The following KCNQ1 variants were observed in gnomAD, a reference collection of about 807,000 sequenced individuals.
The protein encoded by KCNQ1 is potassium voltage-gated channel subfamily KQT member 1.
A neutral mutation model predicts 72.4 loss-of-function variants in KCNQ1; 49 were observed. The observed-to-expected ratio is 0.68, with a 90% CI of 0.54 to 0.86. The LOEUF is 0.86. Among genes scored for constraint, KCNQ1 ranks in the 40% least tolerant of loss-of-function variants. The pLI, the probability that KCNQ1 is intolerant of heterozygous loss-of-function variation, is 0.00. For missense variants in KCNQ1, 790 were observed against 945.1 expected, an observed-to-expected ratio of 0.84 and a Z score of 2.15; for synonymous variants, 450 against 412.6, an observed-to-expected ratio of 1.09 and a Z score of -1.10.
intron 6 of KCNQ1, among the ~76,000 whole-genome samples, chr11:2,583,203 C>T (rs867725921): frequency 5.3e-5 from 8 of 152,170 alleles, no homozygotes; most frequent in Admixed American, 1.3e-4. Context: ...GTGCTGGGCT[C>T]CTTACATGTG....
chr11:2,678,442 T>C lies in KCNQ1; in HGVS notation c.1514+16361T>C. ...TTATTTGAGTACATCATCATCTCTC[T>C]ACTAATTTCAACTGCTACCTTTATC... On this transcript the variant is annotated intron_variant, in intron 11 of 15. Transcript: ENST00000155840. The surrounding 1 kb of genome is among the most constrained non-coding windows in gnomAD (Gnocchi z 4.9). 1 of 398,660 alleles carries C rather than the reference T, an allele frequency of 2.5e-6. No individual in the cohort carries two copies. Among genetic ancestry groups the C allele is most frequent in the Admixed American group, 4.4e-5 (1 of 22,746 alleles). 24.7% of individuals were successfully genotyped at this position (398,660 alleles called of 1,614,324 possible).
chr11:2,653,217 T>C lies in KCNQ1; in HGVS notation c.1394-8744T>C. The C allele has an allele frequency of 2.5e-6, 1 of 398,772 alleles. No homozygotes were observed. The highest frequency in any genetic ancestry group is 4.4e-6 in the Non-Finnish European group (1 of 226,138). The allele number at this position is 398,772 out of a possible 1,614,324, so 24.7% of individuals were successfully genotyped here. On this transcript the variant is annotated intron_variant, in intron 10 of 15. Transcript: ENST00000155840. This position sits in a 1 kb window ranked among gnomAD's most constrained non-coding sequence, Gnocchi z 5.3. ...CTGTTGCAGGGCTAGGGCCAGGGCC[T>C]TGGCCTCAGGCCAGCTTCTTTCCCA...
At chr11:2,630,236 C>T (rs1468254587) in intron 10 of KCNQ1, 1 of 398,192 alleles carries the variant, frequency 2.5e-6, no homozygotes, top group East Asian at 3.6e-5. Flanking sequence ...GTACACTTAA[C>T]TGTCCTTATG....
chr11:2,596,610 GTATCT>G (rs1848736717), intron 10 of KCNQ1, among the ~76,000 whole-genome samples: 1 of 151,826 alleles, frequency 6.6e-6, no homozygotes, highest in Non-Finnish European at 1.5e-5. Flanking sequence ...AGAGTACATG[GTATCT>G]TATTTATGTA....
At chr11:2,681,735 C>A (rs971977975) in intron 11 of KCNQ1, 1 of 398,022 alleles carries the variant, frequency 2.5e-6, no homozygotes, top group Non-Finnish European at 4.4e-6. Context: ...ATTGTGGGCA[C>A]TGATCACACA....
chr11:2,662,704 G>A lies in KCNQ1; in HGVS notation c.1514+623G>A, dbSNP rs185259699. On this transcript the variant is annotated intron_variant, in intron 11 of 15. Transcript: ENST00000155840. ...TGCCCAGCGGTGACAGCCGTGCAGC[G>A]GGGTCAGTGGGGCACCCAAGTCCAT... The A allele has an allele frequency of 2.6e-3, 1,065 of 402,008 alleles. 8 individuals carry two copies. Among genetic ancestry groups the A allele is most frequent in the Middle Eastern group, 0.019 (31 of 1,590 alleles). The allele number at this position is 402,008 out of a possible 1,614,324, so 24.9% of individuals were successfully genotyped here.
intron 6 of KCNQ1, among the ~76,000 whole-genome samples, chr11:2,582,333 C>A (rs1241414675): frequency 6.6e-6 from 1 of 152,208 alleles, no homozygotes; most frequent in East Asian, 1.9e-4. Flanking sequence ...GCCCAGGGAC[C>A]CTGGTCTCGT....
At position 2,600,294 on chromosome 11, in the gene KCNQ1, C is replaced by T. The variant is rs1848782897; in HGVS notation, c.1393+11440C>T. ...TTGTGACCTGCTGAGCTAAAGCAGTCCCTCAGGATTGTTTCTTAAAACAAA... is the reference window on the plus strand; with the variant it reads ...TTGTGACCTGCTGAGCTAAAGCAGTTCCTCAGGATTGTTTCTTAAAACAAA... On this transcript the variant is annotated intron_variant, in intron 10 of 15. Coordinates refer to ENST00000155840, the MANE Select transcript of KCNQ1 (RefSeq NM_000218.3). This position sits in a 1 kb window ranked among gnomAD's most constrained non-coding sequence, Gnocchi z 5.6. Among the ~76,000 whole-genome samples, 2 of 152,110 alleles carry T rather than the reference C, an allele frequency of 1.3e-5. No homozygotes were observed. The highest frequency in any genetic ancestry group is 4.1e-4 in the South Asian group (2 of 4,832).
intron 11 of KCNQ1, among the ~76,000 whole-genome samples, chr11:2,727,569 C>T (rs567451856): frequency 1.3e-5 from 2 of 152,314 alleles, no homozygotes; most frequent in South Asian, 4.1e-4. Flanking sequence ...CCAGCAGCTC[C>T]ACGGCAGGGA....
At chr11:2,822,732 G>A (rs998247035) in intron 15 of KCNQ1, among the ~76,000 whole-genome samples, 2 of 152,160 alleles carry the variant, frequency 1.3e-5, no homozygotes, top group Admixed American at 6.5e-5. Flanking sequence ...GAGGGAAGGT[G>A]GAGTCCTTGG....
intron 11 of KCNQ1, chr11:2,675,443 A>C: frequency 2.5e-6 from 1 of 398,664 alleles, no homozygotes; most frequent in Non-Finnish European, 4.4e-6. Flanking sequence ...AAAATAAAAG[A>C]TGATCTGAAA....
chr11:2,461,781 G>A, intron 1 of KCNQ1: 1 of 1,307,590 alleles, frequency 7.6e-7, no homozygotes, highest in Non-Finnish European at 1.0e-6. Flanking sequence ...GGGCTGAATT[G>A]TGGTCAGTTA....
rs1257277115 is a variant in KCNQ1, at chr11:2,500,853, A to G, written c.387-27075A>G. The stretch of plus-strand genomic sequence containing the variant: ...AACACATGGACACAGGGAGGGGAAC[A>G]TCACACACCGGGGTCTGTTGGGGGG... On this transcript the variant is annotated intron_variant, in intron 1 of 15. Coordinates refer to ENST00000155840, the MANE Select transcript of KCNQ1 (RefSeq NM_000218.3). 3.1e-5 allele frequency among the ~76,000 whole-genome samples: 3 copies of G among 95,290 alleles called. No individual in the cohort carries two copies. In the Admixed American group the frequency reaches 4.9e-4, roughly 16 times the overall value. The allele number at this position is 95,290 out of a possible 152,430, so 62.5% of individuals were successfully genotyped here.
At chr11:2,838,333 G>A (rs1463880775) in intron 15 of KCNQ1, among the ~76,000 whole-genome samples, 1 of 152,210 alleles carries the variant, frequency 6.6e-6, no homozygotes, top group Non-Finnish European at 1.5e-5. Flanking sequence ...TTGGGGCTGG[G>A]GGCCAGGGAC....
At chr11:2,540,656 A>G (rs1847809324) in intron 2 of KCNQ1, among the ~76,000 whole-genome samples, 1 of 152,154 alleles carries the variant, frequency 6.6e-6, no homozygotes, top group Non-Finnish European at 1.5e-5. Flanking sequence ...GCAACTGGGG[A>G]CAATAGTCTC....
At chr11:2,640,448 G>C in intron 10 of KCNQ1, 1 of 398,414 alleles carries the variant, frequency 2.5e-6, no homozygotes. Flanking sequence ...ACCATGCCTG[G>C]ATAACTTCTT....
chr11:2,699,033 G>A (rs933577276), intron 11 of KCNQ1: 3 of 398,438 alleles, frequency 7.5e-6, no homozygotes, highest in African/African-American at 6.2e-5. Context: ...GTGGATTTCC[G>A]ACTCCGGTCC....
At chr11:2,517,395 G>A (rs532757850) in intron 1 of KCNQ1, among the ~76,000 whole-genome samples, 3 of 152,266 alleles carry the variant, frequency 2.0e-5, no homozygotes, top group African/African-American at 4.8e-5. Context: ...TGTCTGCACC[G>A]AAGGGGGCTC....
chr11:2,533,028 C>G (rs1469777356), intron 2 of KCNQ1, among the ~76,000 whole-genome samples: 2 of 152,290 alleles, frequency 1.3e-5, no homozygotes, highest in African/African-American at 4.8e-5. Context: ...CGCGGGGAGC[C>G]CAAACCACAG....
Sources: allele counts gnomAD v4.1 joint callset (sites outside exome capture counted in the v4.1 genomes callset), GRCh38; gene constraint gnomAD v4.1.1; non-coding constraint Gnocchi (gnomAD v3.1); transcripts MANE v1.5; gene names NCBI Gene and HGNC (gene_info 2026-07-23, HGNC 2026-07-21).